The following HS1BP3 variants were observed in gnomAD, a reference collection of about 807,000 sequenced individuals.
HS1BP3 encodes the protein HCLS1 binding protein 3.
In HS1BP3, 32 loss-of-function variants were observed where a neutral mutation model predicts 33.5. The observed-to-expected ratio is 0.95, with a 90% CI of 0.72 to 1.28. The LOEUF (loss-of-function observed/expected upper bound fraction) is 1.28. Among genes scored for constraint, HS1BP3 ranks in the 50% most tolerant of loss-of-function variants. The pLI, the probability that HS1BP3 is intolerant of heterozygous loss-of-function variation, is 0.00. For missense variants in HS1BP3, 486 were observed against 502.3 expected, an observed-to-expected ratio of 0.97 and a Z score of 0.31; for synonymous variants, 187 against 209.2, an observed-to-expected ratio of 0.89 and a Z score of 0.92.
intron 1 of HS1BP3, among the ~76,000 whole-genome samples, chr2:20,648,575 G>A (rs1229209005): frequency 6.6e-6 from 1 of 152,152 alleles, no homozygotes; most frequent in Non-Finnish European, 1.5e-5. Flanking sequence ...AGGAGGAGAG[G>A]AACTGCTTTG....
intron 2 of HS1BP3, among the ~76,000 whole-genome samples, chr2:20,599,311 C>CA (rs1558328999): frequency 6.6e-6 from 1 of 152,240 alleles, no homozygotes; most frequent in Non-Finnish European, 1.5e-5. Flanking sequence ...CAGGGAAGTA[C>CA]ATCCCATGTT....
intron 5 of HS1BP3, among the ~76,000 whole-genome samples, chr2:20,585,300 G>C (rs1221676849): frequency 6.6e-6 from 1 of 152,212 alleles, no homozygotes; most frequent in Non-Finnish European, 1.5e-5. Flanking sequence ...CCTTTACATA[G>C]TGTGGCCATA....
At chr2:20,645,615 T>A in intron 1 of HS1BP3, 110 bp from the exon 2 acceptor site, 1 of 1,098,598 alleles carries the variant, frequency 9.1e-7, no homozygotes, top group Non-Finnish European at 1.3e-6. Context: ...GCCAGGTGAC[T>A]CTGCTGGCTG....
intron 2 of HS1BP3, among the ~76,000 whole-genome samples, chr2:20,600,937 T>G (rs1227963109): frequency 6.6e-6 from 1 of 152,204 alleles, no homozygotes; most frequent in East Asian, 1.9e-4. Context: ...CAAACTTCAG[T>G]TAATGAAACC....
intron 5 of HS1BP3, among the ~76,000 whole-genome samples, chr2:20,568,487 T>G (rs10186749): frequency 1.3e-5 from 2 of 152,068 alleles, no homozygotes; most frequent in African/African-American, 4.8e-5. Context: ...GGAAGCCCTG[T>G]CAGGTTTTAA....
At chr2:20,559,229 T>C (rs1016041358), downstream of HS1BP3, among the ~76,000 whole-genome samples, 2 of 152,116 alleles carry the variant, frequency 1.3e-5, no homozygotes, top group East Asian at 1.9e-4. Flanking sequence ...ACCTTCTCCT[T>C]TGGGACCAAA....
intron 5 of HS1BP3, among the ~76,000 whole-genome samples, chr2:20,561,116 G>C (rs542616644): frequency 6.6e-6 from 1 of 152,274 alleles, no homozygotes; most frequent in East Asian, 1.9e-4. Flanking sequence ...GCCTCGTCAT[G>C]CCTCTGTGCC....
chr2:20,559,708 GTGGATGGATGGATGGA>G (rs143038030), downstream of HS1BP3, among the ~76,000 whole-genome samples: 6,189 of 143,486 alleles, frequency 0.043, 188 homozygotes, highest in Middle Eastern at 0.09. Context: ...GGGTGGGTGG[GTGGATGGATGGATGGA>G]TGGATGGATG....
intron 5 of HS1BP3, among the ~76,000 whole-genome samples, chr2:20,561,680 C>T (rs1055351912): frequency 1.3e-5 from 2 of 152,196 alleles, no homozygotes; most frequent in Non-Finnish European, 2.9e-5. Flanking sequence ...AATGCACACT[C>T]CCAGGACCCC....
intron 4 of HS1BP3, among the ~76,000 whole-genome samples, chr2:20,630,352 A>G (rs1694932244): frequency 6.6e-6 from 1 of 152,022 alleles, no homozygotes; most frequent in East Asian, 1.9e-4. Flanking sequence ...TGCAGCCTCG[A>G]CCTCCTGGGC....
intron 3 of HS1BP3, among the ~76,000 whole-genome samples, chr2:20,593,788 T>A (rs1356126178): frequency 1.3e-5 from 2 of 152,112 alleles, no homozygotes; most frequent in African/African-American, 4.8e-5. Context: ...CCCCTGCTGG[T>A]CCCTGGAGCC....
At chr2:20,608,161 T>C (rs1694238325) in intron 2 of HS1BP3, among the ~76,000 whole-genome samples, 1 of 152,244 alleles carries the variant, frequency 6.6e-6, no homozygotes, top group Non-Finnish European at 1.5e-5. Context: ...ATCAGCTACA[T>C]GTAAGATCAT....
At chr2:20,579,212 G>A (rs1341338797) in intron 5 of HS1BP3, among the ~76,000 whole-genome samples, 1 of 152,254 alleles carries the variant, frequency 6.6e-6, no homozygotes, top group African/African-American at 2.4e-5. Flanking sequence ...TGGGTTCCAT[G>A]AGCACAGGAG....
At chr2:20,564,393 A>ACGAGCCAGTTC (rs992298060) in intron 5 of HS1BP3, among the ~76,000 whole-genome samples, 1 of 152,246 alleles carries the variant, frequency 6.6e-6, no homozygotes, top group Non-Finnish European at 1.5e-5. Flanking sequence ...GCTGCTGGTG[A>ACGAGCCAGTTC]CCAGCCAGTT....
At chr2:20,589,575 C>T (rs1217283253), downstream of HS1BP3, among the ~76,000 whole-genome samples, 2 of 152,194 alleles carry the variant, frequency 1.3e-5, no homozygotes, top group Non-Finnish European at 1.5e-5. Flanking sequence ...TGAGGCTGGA[C>T]AGCTTCCAAG....
intron 2 of HS1BP3, among the ~76,000 whole-genome samples, chr2:20,600,861 T>G (rs756092428): frequency 6.6e-6 from 1 of 152,208 alleles, no homozygotes; most frequent in African/African-American, 2.4e-5. Flanking sequence ...TTCAAAATTT[T>G]TTTATTATTT....
At chr2:20,604,763 C>T (rs940894262) in intron 2 of HS1BP3, among the ~76,000 whole-genome samples, 1 of 152,154 alleles carries the variant, frequency 6.6e-6, no homozygotes, top group Admixed American at 6.5e-5. Flanking sequence ...TGCCAGAAGC[C>T]AAGCAGGTCG....
At chr2:20,554,846 T>A in the HS1BP3 span, among the ~76,000 whole-genome samples, 1 of 152,082 alleles carries the variant, frequency 6.6e-6, no homozygotes, top group Admixed American at 6.5e-5. Flanking sequence ...CTTCTTTGCA[T>A]ACAAAAATAT....
downstream of HS1BP3, among the ~76,000 whole-genome samples, chr2:20,613,198 C>T (rs1694349283): frequency 6.6e-6 from 1 of 152,134 alleles, no homozygotes; most frequent in African/African-American, 2.4e-5. Context: ...AGCAAAGTGG[C>T]GATAACACCA....
Sources: gnomAD v4.1 joint callset for allele counts (sites outside exome capture counted in the v4.1 genomes callset) on GRCh38, gnomAD v4.1.1 for gene constraint, MANE v1.5 for transcripts, NCBI Gene and HGNC (gene_info 2026-07-23, HGNC 2026-07-21) for gene names.